The following CALN1 variants were observed in gnomAD, a reference collection of about 807,000 sequenced individuals.
CALN1 encodes calcium-binding protein 8.
CALN1 carries 17 observed loss-of-function variants against 30.6 expected under a neutral mutation model. The ratio of observed to expected loss-of-function variants is 0.56; its 90% CI spans 0.38 to 0.83. The LOEUF (loss-of-function observed/expected upper bound fraction) is 0.83, where lower values mean the gene tolerates loss of function less well. CALN1 is among the 40% of genes least tolerant of loss of function. The pLI, the probability that CALN1 is intolerant of heterozygous loss-of-function variation, is 0.00. For missense variants in CALN1, 291 were observed against 354.9 expected (o/e 0.82, Z 1.45); for synonymous variants, 156 against 131.4 (o/e 1.19, Z -1.28).
chr7:72,354,706 C>G (rs992843622), intron 2 of CALN1, among the ~76,000 whole-genome samples: 2 of 152,060 alleles, frequency 1.3e-5, no homozygotes, highest in Admixed American at 6.5e-5. Flanking sequence ...TGAGGATAGT[C>G]TTTTCATCCA....
At chr7:72,076,885 A>T (rs1332726976) in intron 4 of CALN1, among the ~76,000 whole-genome samples, 1 of 152,180 alleles carries the variant, frequency 6.6e-6, no homozygotes, top group East Asian at 1.9e-4. Context: ...AAGTGTCTCC[A>T]GTATCCTTTC....
At chr7:72,290,833 G>C (rs955701014) in intron 2 of CALN1, among the ~76,000 whole-genome samples, 4 of 151,802 alleles carry the variant, frequency 2.6e-5, no homozygotes, top group African/African-American at 9.7e-5. Context: ...ATTTCCAGAA[G>C]TTTACTTTGG....
At chr7:72,127,939 A>C (rs1432645311) in intron 3 of CALN1, among the ~76,000 whole-genome samples, 1 of 152,222 alleles carries the variant, frequency 6.6e-6, no homozygotes, top group African/African-American at 2.4e-5. Context: ...ATGAAATGAT[A>C]TGACATATGG....
At chr7:72,125,847 G>C (rs1175741767) in intron 3 of CALN1, among the ~76,000 whole-genome samples, 1 of 140,068 alleles carries the variant, frequency 7.1e-6, no homozygotes, top group African/African-American at 2.7e-5. Flanking sequence ...TGTCGCCCAG[G>C]CTAGAGTGCA....
At position 71,962,965 on chromosome 7, in the gene CALN1, C is replaced by T. The variant is rs564337991; in HGVS notation, c.501+60692G>A. The stretch of plus-strand genomic sequence containing the variant: ...GAAAGATTCAAGTATAATAAATTCT[C>T]ATATATAAGGATCTCAGTTTGGCCT... On this transcript the variant is annotated intron_variant, in intron 5 of 6. Coordinates refer to ENST00000395275, the MANE Select transcript of CALN1 (RefSeq NM_031468.4). Among the ~76,000 whole-genome samples, 6 of 152,212 alleles carry T rather than the reference C, an allele frequency of 3.9e-5. No homozygotes were observed. In the South Asian group the frequency reaches 1.2e-3, roughly 32 times the overall value.
the CALN1 span, among the ~76,000 whole-genome samples, chr7:72,490,697 C>T: frequency 6.6e-6 from 1 of 152,110 alleles, no homozygotes; most frequent in East Asian, 1.9e-4. Context: ...TGTAGTACTT[C>T]CCCTTTGCAC....
At chr7:71,930,814 C>T (rs1319718528) in intron 5 of CALN1, among the ~76,000 whole-genome samples, 4 of 152,270 alleles carry the variant, frequency 2.6e-5, no homozygotes, top group African/African-American at 7.2e-5. Context: ...TTCTGGGTCT[C>T]GAAACTCCTT....
Position 71,849,166 on chromosome 7 carries a change from T to G in CALN1, c.502-38674A>C, listed in dbSNP as rs146922680. On this transcript the variant is annotated intron_variant, in intron 5 of 6. Coordinates refer to ENST00000395275, the MANE Select transcript of CALN1 (RefSeq NM_031468.4). ...GTGTGTTTAATCTATGTGTGGCTTATTTTTATAAGTGCTGCTGGGTGAGCA... is the reference window on the plus strand; with the variant it reads ...GTGTGTTTAATCTATGTGTGGCTTAGTTTTATAAGTGCTGCTGGGTGAGCA... 3.9e-5 allele frequency among the ~76,000 whole-genome samples: 6 copies of G among 152,290 alleles called. No individual in the cohort carries two copies. In the East Asian group the frequency reaches 7.7e-4, roughly 20 times the overall value.
chr7:72,328,063 G>A (rs1011275454), intron 2 of CALN1, among the ~76,000 whole-genome samples: 5 of 152,008 alleles, frequency 3.3e-5, no homozygotes, highest in East Asian at 3.9e-4. Context: ...AGTGAAGAAA[G>A]GTGCCTTCCA....
At chr7:71,953,137 T>G (rs1244087763) in intron 5 of CALN1, among the ~76,000 whole-genome samples, 3 of 152,028 alleles carry the variant, frequency 2.0e-5, no homozygotes. Flanking sequence ...TTTTAATTTT[T>G]TGCAGGAACG....
chr7:72,164,408 G>T (rs534395248), intron 3 of CALN1, among the ~76,000 whole-genome samples: 1 of 150,950 alleles, frequency 6.6e-6, no homozygotes, highest in African/African-American at 2.4e-5. Context: ...AGAACGCCAT[G>T]TGATAATAAG....
Position 71,886,976 on chromosome 7 carries a change from T to A in CALN1, c.502-76484A>T, listed in dbSNP as rs1792948045. ...TGCTGTGAGAACTTAGGGGAGAGAG[T>A]GCCTACCTTAGTTGAAGGAACCATG... On this transcript the variant is annotated intron_variant, in intron 5 of 6. Coordinates refer to ENST00000395275, the MANE Select transcript of CALN1 (RefSeq NM_031468.4). Among the ~76,000 whole-genome samples, 5 of 151,556 alleles carry A rather than the reference T, an allele frequency of 3.3e-5. No homozygotes were observed. In the South Asian group the frequency reaches 1.0e-3, roughly 32 times the overall value.
intron 4 of CALN1, among the ~76,000 whole-genome samples, chr7:72,078,063 A>G (rs1804871653): frequency 6.6e-6 from 1 of 152,190 alleles, no homozygotes. Context: ...ATGACTAGGT[A>G]TGTAAATGAG....
rs888020757 is a variant in CALN1 at position 71,887,052 on chromosome 7, G to A, written c.502-76560C>T. ...ATTTTGCTAAGGGAAAATTCTGAAC[G>A]GAGGAAAGTCTAAATAATGTTGCAA... On this transcript the variant is annotated intron_variant, in intron 5 of 6. Transcript: ENST00000395275. 1.1e-4 allele frequency among the ~76,000 whole-genome samples: 17 copies of A among 152,112 alleles called. No homozygotes were observed. The East Asian group carries it at 1.2e-3, about 10-fold the overall frequency.
chr7:72,258,477 A>AG (rs1796066588), intron 3 of CALN1, among the ~76,000 whole-genome samples: 1 of 152,242 alleles, frequency 6.6e-6, no homozygotes, highest in South Asian at 2.1e-4. Context: ...CAATAACCCA[A>AG]GGGCACTGTC....
At chr7:72,180,652 T>C (rs1014596287) in intron 3 of CALN1, among the ~76,000 whole-genome samples, 4 of 146,104 alleles carry the variant, frequency 2.7e-5, no homozygotes, top group African/African-American at 1.0e-4. Flanking sequence ...GTGTGGGTCA[T>C]GCTGGAGTGC....
intron 5 of CALN1, among the ~76,000 whole-genome samples, chr7:71,988,251 G>A (rs545653793): frequency 6.6e-6 from 1 of 152,286 alleles, no homozygotes; most frequent in South Asian, 2.1e-4. Flanking sequence ...AGGAAATGAA[G>A]CAAAAATAAG....
At chr7:71,963,365 G>A (rs1348055555) in intron 5 of CALN1, among the ~76,000 whole-genome samples, 1 of 110,746 alleles carries the variant, frequency 9.0e-6, no homozygotes, top group Non-Finnish European at 2.1e-5. Flanking sequence ...GTTTCACCAT[G>A]TTGGCCAGGA....
At chr7:71,932,987 G>A (rs954202051) in intron 5 of CALN1, among the ~76,000 whole-genome samples, 4 of 152,046 alleles carry the variant, frequency 2.6e-5, no homozygotes, top group African/African-American at 9.7e-5. Flanking sequence ...GATAGTGAGG[G>A]TACAGGAGTC....
Sources: gnomAD v4.1 joint callset for allele counts (sites outside exome capture counted in the v4.1 genomes callset) on GRCh38, gnomAD v4.1.1 for gene constraint, MANE v1.5 for transcripts, NCBI Gene and HGNC (gene_info 2026-07-23, HGNC 2026-07-21) for gene names.